The following CSMD1 variants were observed in gnomAD, a reference collection of about 807,000 sequenced individuals.
CSMD1 encodes CUB and Sushi multiple domains 1, also known as CUB and sushi domain-containing protein 1.
In CSMD1, 213 loss-of-function variants were observed where a neutral mutation model predicts 417.5. That is an observed-to-expected ratio of 0.51 (90% CI 0.46 to 0.57). The LOEUF (loss-of-function observed/expected upper bound fraction) is 0.57. CSMD1 is among the 20% of genes least tolerant of loss of function. The probability of loss-of-function intolerance (pLI) is 0.00; values close to 1 mark genes in which losing one functional copy is unlikely to be tolerated. For missense variants in CSMD1, 6,923 were observed against 4,529.7 expected, an observed-to-expected ratio of 1.53 and a Z score of -15.17; for synonymous variants, 2,862 against 1,736.8, an observed-to-expected ratio of 1.65 and a Z score of -16.11.
At chr8:4,083,114 CT>C (rs1180786479) in intron 3 of CSMD1, among the ~76,000 whole-genome samples, 2 of 151,978 alleles carry the variant, frequency 1.3e-5, no homozygotes, top group Non-Finnish European at 2.9e-5. Flanking sequence ...ATTTATAGTC[CT>C]TTTAGTATAT....
chr8:4,404,684 T>C (rs1046533458), intron 3 of CSMD1, among the ~76,000 whole-genome samples: 8 of 152,138 alleles, frequency 5.3e-5, no homozygotes, highest in Non-Finnish European at 7.4e-5. Context: ...ATTAAACTTA[T>C]GTTTATAATA....
chr8:3,279,502 A>G (rs1009852831), intron 26 of CSMD1, among the ~76,000 whole-genome samples: 7 of 152,188 alleles, frequency 4.6e-5, no homozygotes, highest in Admixed American at 3.9e-4. Flanking sequence ...GTATTTTTTA[A>G]AATGCCACAT....
chr8:4,042,545 A>T (rs972750728), intron 3 of CSMD1, among the ~76,000 whole-genome samples: 2 of 152,114 alleles, frequency 1.3e-5, no homozygotes, highest in African/African-American at 4.8e-5. Flanking sequence ...AAGGAATATT[A>T]AAATGAGTCA....
rs555651922 is a variant in CSMD1, at chr8:3,229,566, T to C, written c.4345+474A>G. Among the ~76,000 whole-genome samples, 20 of 152,300 alleles carry C rather than the reference T, an allele frequency of 1.3e-4. No homozygotes were observed. In the South Asian group the frequency reaches 3.9e-3, roughly 30 times the overall value. On this transcript the variant is annotated intron_variant, in intron 27 of 69. Transcript: ENST00000635120. ...AGAAACAAACCTCCTTTTATCTTCATTTTAACACAAACAGTATAATTTCTA... is the reference window on the plus strand; with the variant it reads ...AGAAACAAACCTCCTTTTATCTTCACTTTAACACAAACAGTATAATTTCTA...
At chr8:4,959,441 T>C (rs1809333182) in intron 1 of CSMD1, among the ~76,000 whole-genome samples, 2 of 152,306 alleles carry the variant, frequency 1.3e-5, no homozygotes, top group Admixed American at 1.3e-4. Context: ...ACTAGTTGGG[T>C]AGCCTAACCA....
intron 5 of CSMD1, among the ~76,000 whole-genome samples, chr8:3,938,548 A>G (rs751667188): frequency 2.0e-5 from 3 of 152,050 alleles, no homozygotes; most frequent in Non-Finnish European, 2.9e-5. Context: ...ATTTGAGAGG[A>G]CCGATGCTAC....
chr8:4,595,644 G>A (rs530804148), intron 2 of CSMD1, among the ~76,000 whole-genome samples: 1 of 152,128 alleles, frequency 6.6e-6, no homozygotes, highest in Non-Finnish European at 1.5e-5. Flanking sequence ...ATGCATGTCT[G>A]TAGTCCCAGC....
intron 1 of CSMD1, among the ~76,000 whole-genome samples, chr8:4,747,106 G>A (rs942783006): frequency 5.5e-4 from 83 of 152,274 alleles, no homozygotes; most frequent in African/African-American, 1.8e-3. Context: ...GGAATGGCAG[G>A]TGCTTTCGGC....
At chr8:4,193,267 T>C (rs1029229389) in intron 3 of CSMD1, among the ~76,000 whole-genome samples, 3 of 152,158 alleles carry the variant, frequency 2.0e-5, no homozygotes, top group Non-Finnish European at 4.4e-5. Flanking sequence ...TGAAAATACG[T>C]TGCATCACAC....
intron 5 of CSMD1, among the ~76,000 whole-genome samples, chr8:3,964,264 G>C (rs1408786144): frequency 6.6e-6 from 1 of 152,050 alleles, no homozygotes; most frequent in East Asian, 1.9e-4. Context: ...CCTCCTTTGG[G>C]GCTTAGAGCT....
At chr8:3,145,240 A>G (rs1378336895) in intron 40 of CSMD1, among the ~76,000 whole-genome samples, 1 of 152,194 alleles carries the variant, frequency 6.6e-6, no homozygotes, top group Non-Finnish European at 1.5e-5. Flanking sequence ...ACTTCTACGT[A>G]TGTCCAGAGT....
At chr8:3,546,852 G>C (rs1159742875) in intron 10 of CSMD1, among the ~76,000 whole-genome samples, 4 of 152,108 alleles carry the variant, frequency 2.6e-5, no homozygotes, top group Non-Finnish European at 4.4e-5. Context: ...TGAAAGGGAA[G>C]GTGAAATATT....
chr8:3,420,592 A>G (rs531609338), intron 12 of CSMD1, among the ~76,000 whole-genome samples: 25 of 152,308 alleles, frequency 1.6e-4, no homozygotes, highest in African/African-American at 6.0e-4. Flanking sequence ...CTTTAAACCT[A>G]AAACTACTTT....
intron 17 of CSMD1, 72 bp from the exon 18 acceptor site, chr8:3,387,754 T>A (rs928540561): frequency 9.1e-6 from 11 of 1,213,798 alleles, no homozygotes; most frequent in Middle Eastern, 3.9e-4. Context: ...ACCCACGCCA[T>A]CAACTACGAA....
intron 7 of CSMD1, among the ~76,000 whole-genome samples, chr8:3,666,699 T>A (rs554944505): frequency 1.3e-5 from 2 of 152,178 alleles, no homozygotes; most frequent in South Asian, 2.1e-4. Context: ...TCATGCAATC[T>A]GATGTCTTTA....
At chr8:4,071,366 G>A (rs1256925320) in intron 3 of CSMD1, among the ~76,000 whole-genome samples, 1 of 151,458 alleles carries the variant, frequency 6.6e-6, no homozygotes, top group African/African-American at 2.4e-5. Flanking sequence ...ATGTCATTTT[G>A]TATCTGTTAA....
chr8:4,633,517 G>A (rs1000735177), intron 2 of CSMD1, among the ~76,000 whole-genome samples: 1 of 151,730 alleles, frequency 6.6e-6, no homozygotes, highest in Non-Finnish European at 1.5e-5. Flanking sequence ...CCAAAGTGCT[G>A]GGATTACAGG....
At chr8:3,485,132 C>G (rs568721269) in intron 11 of CSMD1, among the ~76,000 whole-genome samples, 1 of 152,170 alleles carries the variant, frequency 6.6e-6, no homozygotes, top group Non-Finnish European at 1.5e-5. Context: ...TAGCTTTCTT[C>G]ATAATAGTCA....
At chr8:3,837,957 A>G (rs1341438657) in intron 5 of CSMD1, among the ~76,000 whole-genome samples, 5 of 152,158 alleles carry the variant, frequency 3.3e-5, no homozygotes, top group African/African-American at 1.2e-4. Flanking sequence ...TTTATTTCTT[A>G]TTTTTCATGA....
Sources: allele counts gnomAD v4.1 joint callset (sites outside exome capture counted in the v4.1 genomes callset), GRCh38; gene constraint gnomAD v4.1.1; transcripts MANE v1.5; gene names NCBI Gene and HGNC (gene_info 2026-07-23, HGNC 2026-07-21).